The following SBDS variants were observed in gnomAD, a reference collection of about 807,000 sequenced individuals.
SBDS encodes the protein SBDS ribosome maturation factor.
In SBDS, 20 loss-of-function variants were observed where a neutral mutation model predicts 26.4. That is an observed-to-expected ratio of 0.76 (90% confidence interval 0.53 to 1.10). The LOEUF is 1.10. SBDS is among the 50% of genes least tolerant of loss of function. The pLI is 0.00. For synonymous variants in SBDS, 95 were observed against 105.1 expected, an observed-to-expected ratio of 0.90 and a Z score of 0.59; for missense variants, 241 against 302.0, an observed-to-expected ratio of 0.80 and a Z score of 1.50.
intron 1 of SBDS, among the ~76,000 whole-genome samples, chr7:66,994,824 T>TA (rs560896798): frequency 1.0e-3 from 154 of 152,150 alleles, no homozygotes; most frequent in Non-Finnish European, 1.6e-3. Flanking sequence ...TGGGAGGACG[T>TA]AAGAAACACA....
intron 3 of SBDS, among the ~76,000 whole-genome samples, chr7:66,992,437 T>C (rs1792992928): frequency 6.6e-6 from 1 of 152,170 alleles, no homozygotes; most frequent in Non-Finnish European, 1.5e-5. Flanking sequence ...ACTTAAAGTG[T>C]ACATACTTTA....
At position 66,991,724 on chromosome 7, in the gene SBDS, G is replaced by A. The variant is rs561758615; in HGVS notation, c.460-423C>T. Among the ~76,000 whole-genome samples, 81 of 147,902 alleles carry A rather than the reference G, an allele frequency of 5.5e-4. 1 individual carries two copies. The highest frequency in any genetic ancestry group is 1.8e-3 in the African/African-American group (74 of 40,158). On this transcript the variant is annotated intron_variant, in intron 3 of 4. Coordinates refer to ENST00000246868, the MANE Select transcript of SBDS (RefSeq NM_016038.4). Reference sequence around the variant, plus strand: ...TGAGGCAGGAGAATTGCTTGAATCCGGGAGGCAGAGTTTGCAAAAAGAGGG... The same window carrying A: ...TGAGGCAGGAGAATTGCTTGAATCCAGGAGGCAGAGTTTGCAAAAAGAGGG...
chr7:66,992,267 G>A (rs1792990352), intron 3 of SBDS, among the ~76,000 whole-genome samples: 1 of 152,070 alleles, frequency 6.6e-6, no homozygotes, highest in African/African-American at 2.4e-5. Flanking sequence ...GAAATGTCCA[G>A]AATTGAGAAG....
intron 3 of SBDS, 52 bp downstream of exon 3, chr7:66,993,165 A>G: frequency 2.0e-6 from 3 of 1,501,330 alleles, no homozygotes; most frequent in Non-Finnish European, 2.8e-6. Context: ...TGATTTCTTC[A>G]GAGAAAACTG....
At chr7:66,991,449 G>A (rs1792972818) in intron 3 of SBDS, 148 bp from the exon 4 acceptor site, 1 of 701,466 alleles carries the variant, frequency 1.4e-6, no homozygotes, top group Non-Finnish European at 2.3e-6. Context: ...AAAAAAAATA[G>A]AAAAATTGGA....
chr7:66,991,573 A>G (rs1235453492), intron 3 of SBDS, among the ~76,000 whole-genome samples: 5 of 152,060 alleles, frequency 3.3e-5, no homozygotes, highest in African/African-American at 1.2e-4. Flanking sequence ...CGGGTGCATC[A>G]CAAGGTCAGG....
At chr7:66,991,447 T>C in intron 3 of SBDS, 146 bp from the exon 4 acceptor site, 1 of 698,902 alleles carries the variant, frequency 1.4e-6, no homozygotes. Flanking sequence ...AAAAAAAAAA[T>C]AGAAAAATTG....
rs1267628755 is a variant in SBDS at position 66,988,348 on chromosome 7, A to G, written c.*23T>C. The G allele has an allele frequency of 1.9e-6, 3 of 1,611,720 alleles. No individual in the cohort carries two copies. The highest frequency in any genetic ancestry group is 2.2e-5 in the East Asian group (1 of 44,878). The stretch of plus-strand genomic sequence containing the variant: ...GGAAACGGAAACACTTTAGTGTTTT[A>G]GAGGTGAAGAGATTGATGGGTGTCA... On this transcript the variant is annotated 3_prime_UTR_variant, in exon 5 of 5. Transcript: ENST00000246868.
At position 66,990,126 on chromosome 7, in the gene SBDS, T is replaced by C. The variant is rs541933283; in HGVS notation, c.624+1011A>G. On this transcript the variant is annotated intron_variant, in intron 4 of 4. Transcript: ENST00000246868. ...CCTCTGCCTTCCAGGTTCAAGTGATTCTCCTGCCTCAGCCTCCCGAGTAGC... is the reference window on the plus strand; with the variant it reads ...CCTCTGCCTTCCAGGTTCAAGTGATCCTCCTGCCTCAGCCTCCCGAGTAGC... Among the ~76,000 whole-genome samples the C allele has an allele frequency of 2.0e-5, 3 of 152,192 alleles. 1 individual carries two copies. The highest frequency in any genetic ancestry group is 7.2e-5 in the African/African-American group (3 of 41,524).
intron 4 of SBDS, 162 bp downstream of exon 4, chr7:66,990,975 C>T: frequency 8.3e-6 from 5 of 601,632 alleles, no homozygotes; most frequent in Non-Finnish European, 1.1e-5. Context: ...TGAGATAGCA[C>T]CACTGCACTC....
rs183791529 is a variant in SBDS at position 66,990,528 on chromosome 7, T to G, written c.624+609A>C. The stretch of plus-strand genomic sequence containing the variant: ...TCCATAGTGTGCTTTGTACTAATTT[T>G]TGCAAAATTTTTAAGGTAATTGGAA... On this transcript the variant is annotated intron_variant, in intron 4 of 4. Coordinates refer to ENST00000246868, the MANE Select transcript of SBDS (RefSeq NM_016038.4). Among the ~76,000 whole-genome samples the G allele has an allele frequency of 6.9e-3, 1,051 of 152,316 alleles. 7 individuals carry two copies. Among genetic ancestry groups the G allele is most frequent in the Non-Finnish European group, 0.012 (795 of 68,030 alleles).
At chr7:66,993,478 A>G (rs1793019238) in intron 2 of SBDS, 61 bp from the exon 3 acceptor site, 2 of 1,316,806 alleles carry the variant, frequency 1.5e-6, no homozygotes, top group East Asian at 4.6e-5. Context: ...ACTATTTATT[A>G]ACTAACCATA....
rs1792900737 is a variant in SBDS, at chr7:66,987,868, A to G, written c.*503T>C. 1 of 202,286 alleles carries G rather than the reference A, an allele frequency of 4.9e-6. No individual in the cohort carries two copies. Among genetic ancestry groups the G allele is most frequent in the African/African-American group, 2.3e-5 (1 of 43,504 alleles). The allele number at this position is 202,286 out of a possible 1,614,324, so 12.5% of individuals were successfully genotyped here. A position where few individuals can be genotyped will look rare whatever the true frequency, so the allele number is the denominator to read the frequency against. On this transcript the variant is annotated 3_prime_UTR_variant, in exon 5 of 5. Coordinates refer to ENST00000246868, the MANE Select transcript of SBDS (RefSeq NM_016038.4). ...GGTAAGTCCGGCACAATTTTTCTAT[A>G]TCTGTTTCTCAGATAATCAGGAACA...
At chr7:66,990,020 C>CT (rs71293171) in intron 4 of SBDS, among the ~76,000 whole-genome samples, 47,214 of 141,386 alleles carry the variant, frequency 0.33, 8,449 homozygotes, top group East Asian at 0.61. Flanking sequence ...AGAATTCAAT[C>CT]TTTTTTTTTT....
rs1404319812 is a variant in SBDS, at chr7:66,991,318, G to A, written c.460-17C>T. 10 of 1,594,402 alleles carry A rather than the reference G, an allele frequency of 6.3e-6. No individual in the cohort carries two copies. Among genetic ancestry groups the A allele is most frequent in the African/African-American group, 2.7e-5 (2 of 74,324 alleles). On this transcript the variant is annotated splice_polypyrimidine_tract_variant and intron_variant, in intron 3 of 4. Transcript: ENST00000246868. ...TTCCAAAGCCTACCAAGACAAAATC[G>A]AGAATGCAATTTCTTCTACTATATT... is the stretch of plus-strand genomic sequence containing the variant.
chr7:66,994,061 C>G, intron 2 of SBDS, 151 bp downstream of exon 2: 1 of 671,288 alleles, frequency 1.5e-6, no homozygotes, highest in South Asian at 2.2e-5. Context: ...AACAAAACCA[C>G]CAAGTTCTTT....
chr7:66,991,619 C>T (rs1203009259), intron 3 of SBDS, among the ~76,000 whole-genome samples: 6 of 151,948 alleles, frequency 3.9e-5, no homozygotes, highest in East Asian at 1.9e-4. Flanking sequence ...GGTGAAACCC[C>T]GTCTCCACTA....
chr7:66,994,445 C>T (rs1584437724), intron 1 of SBDS, 104 bp from the exon 2 acceptor site: 2 of 1,041,130 alleles, frequency 1.9e-6, no homozygotes, highest in Middle Eastern at 2.3e-4. Flanking sequence ...CAAGACACAA[C>T]AAATCCCCCT....
At chr7:66,994,395 G>C in intron 1 of SBDS, 54 bp from the exon 2 acceptor site, 1 of 1,502,326 alleles carries the variant, frequency 6.7e-7, no homozygotes, top group South Asian at 1.1e-5. Flanking sequence ...ACTTGGACAT[G>C]CATTTACATT....
Sources: gnomAD v4.1 joint callset for allele counts (sites outside exome capture counted in the v4.1 genomes callset) on GRCh38, gnomAD v4.1.1 for gene constraint, MANE v1.5 for transcripts, NCBI Gene and HGNC (gene_info 2026-07-23, HGNC 2026-07-21) for gene names.